The following DNM3 variants were observed in gnomAD, a reference collection of about 807,000 sequenced individuals.
The protein encoded by DNM3 is dynamin 3.
Under a neutral mutation model 101.6 loss-of-function variants are expected in DNM3, and 47 were observed. The ratio of observed to expected loss-of-function variants is 0.46; its 90% CI spans 0.37 to 0.59. DNM3 has a LOEUF of 0.59. Among genes scored for constraint, DNM3 ranks in the 20% least tolerant of loss-of-function variants. The pLI is 0.00. For missense variants in DNM3, 849 were observed against 1,085.7 expected (o/e 0.78, Z 3.06); for synonymous variants, 385 against 387.9 (o/e 0.99, Z 0.09).
At chr1:172,072,250 C>A (rs2052254964) in intron 11 of DNM3, among the ~76,000 whole-genome samples, 1 of 152,108 alleles carries the variant, frequency 6.6e-6, no homozygotes. Flanking sequence ...ACAACTAATC[C>A]AATAATGATC....
intron 2 of DNM3, among the ~76,000 whole-genome samples, chr1:171,971,951 T>C (rs192971175): frequency 1.8e-3 from 270 of 152,304 alleles, no homozygotes; most frequent in African/African-American, 6.2e-3. Context: ...GAGATTTTGC[T>C]CTAGAGTGTT....
chr1:172,156,050 A>G (rs979751613), intron 14 of DNM3, among the ~76,000 whole-genome samples: 3 of 152,096 alleles, frequency 2.0e-5, no homozygotes, highest in African/African-American at 7.2e-5. Flanking sequence ...TAGAACGAGG[A>G]TAATAAGTGT....
intron 14 of DNM3, among the ~76,000 whole-genome samples, chr1:172,219,068 T>C (rs1179137293): frequency 6.6e-6 from 1 of 151,932 alleles, no homozygotes; most frequent in Non-Finnish European, 1.5e-5. Flanking sequence ...AATTGAAACC[T>C]TTGTCTGGGC....
intron 1 of DNM3, 74 bp downstream of exon 1, chr1:171,841,891 G>C (rs73031718): frequency 0.14 from 191,702 of 1,404,252 alleles, 12,584 homozygotes; most frequent in East Asian, 0.18. Context: ...ACGTGGACGG[G>C]CAGCGGGAGC....
chr1:172,062,430 G>T (rs115100389), intron 10 of DNM3, among the ~76,000 whole-genome samples: 15 of 152,050 alleles, frequency 9.9e-5, no homozygotes, highest in African/African-American at 3.6e-4. Flanking sequence ...CTTAGGTGAG[G>T]ACTTTTTTGT....
At chr1:171,875,957 C>T (rs142753960) in intron 1 of DNM3, among the ~76,000 whole-genome samples, 2,143 of 151,640 alleles carry the variant, frequency 0.014, 56 homozygotes, top group African/African-American at 0.047. Context: ...ACTACAGGCG[C>T]GTGCCACCAT....
intron 12 of DNM3, among the ~76,000 whole-genome samples, chr1:172,088,467 A>G (rs1247381257): frequency 6.6e-6 from 1 of 152,150 alleles, no homozygotes; most frequent in Non-Finnish European, 1.5e-5. Context: ...GCACAGAAAC[A>G]TGGAATGTTT....
At chr1:172,208,520 G>T (rs2060400862) in intron 14 of DNM3, among the ~76,000 whole-genome samples, 2 of 152,106 alleles carry the variant, frequency 1.3e-5, no homozygotes, top group South Asian at 4.1e-4. Context: ...AAGTGGATTT[G>T]CCTTCAGATT....
rs1168692488 is a variant in DNM3, at chr1:172,153,610, T to C, written c.1659+22322T>C. Among the ~76,000 whole-genome samples, 3 of 152,134 alleles carry C rather than the reference T, an allele frequency of 2.0e-5. No individual in the cohort carries two copies. The East Asian group carries it at 5.8e-4, about 29-fold the overall frequency. ...GCACGAAACTTTCTCTGAGTATTCCTCTTCTCTCCAGCCCCTATTCGTCCT... is the reference window on the plus strand; with the variant it reads ...GCACGAAACTTTCTCTGAGTATTCCCCTTCTCTCCAGCCCCTATTCGTCCT... On this transcript the variant is annotated intron_variant, in intron 14 of 20. Transcript: ENST00000627582.
chr1:172,114,405 T>C (rs538147698), intron 13 of DNM3, among the ~76,000 whole-genome samples: 2 of 152,280 alleles, frequency 1.3e-5, no homozygotes, highest in South Asian at 4.1e-4. Context: ...TTAGTGTGGA[T>C]ATTGAGATGT....
Position 172,412,641 on chromosome 1 carries a change from T to C in DNM3, c.*4800T>C. The C allele has an allele frequency of 1.0e-6, 1 of 985,882 alleles. No individual in the cohort carries two copies. Among genetic ancestry groups the C allele is most frequent in the Non-Finnish European group, 1.2e-6 (1 of 829,938 alleles). The allele number at this position is 985,882 out of a possible 1,614,324, so 61.1% of individuals were successfully genotyped here. ...AAAAATCTCAAAGCCTGTATCGTTC[T>C]TGAAGGTCACATGTACCTATTGTGA... On this transcript the variant is annotated 3_prime_UTR_variant, in exon 21 of 21. Transcript: ENST00000627582.
intron 2 of DNM3, among the ~76,000 whole-genome samples, chr1:171,966,787 C>T (rs1315498923): frequency 6.6e-6 from 1 of 152,164 alleles, no homozygotes; most frequent in Non-Finnish European, 1.5e-5. Flanking sequence ...GAATTTGGCT[C>T]TTTAAATCAA....
chr1:172,236,991 T>A (rs2061568080), intron 14 of DNM3, among the ~76,000 whole-genome samples: 1 of 152,168 alleles, frequency 6.6e-6, no homozygotes, highest in Admixed American at 6.6e-5. Flanking sequence ...CATTATTGTA[T>A]CGTTTCGCCA....
At chr1:172,093,119 A>C (rs1309971296) in intron 13 of DNM3, among the ~76,000 whole-genome samples, 1 of 152,122 alleles carries the variant, frequency 6.6e-6, no homozygotes, top group Admixed American at 6.6e-5. Context: ...TCTGCATTTC[A>C]AATTTGACTC....
chr1:172,317,438 A>T (rs2065438269), intron 16 of DNM3, among the ~76,000 whole-genome samples: 1 of 152,244 alleles, frequency 6.6e-6, no homozygotes, highest in Admixed American at 6.5e-5. Flanking sequence ...CAAAAAATTA[A>T]TGAATCCAGA....
chr1:172,112,637 A>T (rs1286811603), intron 13 of DNM3, among the ~76,000 whole-genome samples: 1 of 152,204 alleles, frequency 6.6e-6, no homozygotes, highest in Non-Finnish European at 1.5e-5. Flanking sequence ...AGTGATAAAA[A>T]TCTGTAGTGA....
chr1:172,131,034 C>A, intron 13 of DNM3, 141 bp from the exon 14 acceptor site: 1 of 700,842 alleles, frequency 1.4e-6, no homozygotes, highest in Non-Finnish European at 2.4e-6. Flanking sequence ...TCTTGAATAA[C>A]TCAATGGAAG....
chr1:172,289,330 G>A (rs2063816189), intron 15 of DNM3, among the ~76,000 whole-genome samples: 1 of 151,916 alleles, frequency 6.6e-6, no homozygotes, highest in South Asian at 2.1e-4. Flanking sequence ...GGTCAGATGG[G>A]ATTTTATTAT....
intron 20 of DNM3, among the ~76,000 whole-genome samples, chr1:172,391,492 G>A (rs1558081717): frequency 6.6e-6 from 1 of 152,088 alleles, no homozygotes; most frequent in Non-Finnish European, 1.5e-5. Flanking sequence ...AGCCAGAAAT[G>A]GGGTTTAAGA....
Sources: gnomAD v4.1 joint callset for allele counts (sites outside exome capture counted in the v4.1 genomes callset) on GRCh38, gnomAD v4.1.1 for gene constraint, MANE v1.5 for transcripts, NCBI Gene and HGNC (gene_info 2026-07-23, HGNC 2026-07-21) for gene names.